The following SRPX variants were observed in gnomAD, a reference collection of about 807,000 sequenced individuals.
SRPX encodes sushi repeat-containing protein SRPX.
A neutral mutation model predicts 38.1 loss-of-function variants in SRPX; 24 were observed. The ratio of observed to expected loss-of-function variants is 0.63; its 90% confidence interval spans 0.46 to 0.89. SRPX has a LOEUF of 0.89. Ranked by LOEUF, SRPX falls within the 40% of genes least tolerant of loss-of-function variation. The pLI is 0.00. For missense variants in SRPX, 416 were observed against 377.8 expected, an observed-to-expected ratio of 1.10 and a Z score of -0.84; for synonymous variants, 184 against 153.8, an observed-to-expected ratio of 1.20 and a Z score of -1.45.
chrX:38,213,940 A>G (rs967880396), intron 1 of SRPX, among the ~76,000 whole-genome samples: 2 of 111,684 alleles, frequency 1.8e-5, no homozygotes, highest in African/African-American at 6.5e-5. Flanking sequence ...GCCCCCCATG[A>G]TCCAATCACC....
chrX:38,214,379 C>T (rs1379070537), intron 1 of SRPX, among the ~76,000 whole-genome samples: 8 of 110,930 alleles, frequency 7.2e-5, no homozygotes, highest in African/African-American at 2.6e-4. Flanking sequence ...AGATAAAGAC[C>T]AAGACACCCA....
chrX:38,188,628 A>G (rs755061666), intron 1 of SRPX, among the ~76,000 whole-genome samples: 1 of 111,738 alleles, frequency 8.9e-6, no homozygotes, highest in Non-Finnish European at 1.9e-5. Context: ...CTGGGGTATA[A>G]TGGGCAAAAT....
At chrX:38,167,331 T>C (rs745525537) in intron 4 of SRPX, among the ~76,000 whole-genome samples, 2 of 111,535 alleles carry the variant, frequency 1.8e-5, no homozygotes, top group Non-Finnish European at 3.8e-5. Flanking sequence ...TGTTTTGTGA[T>C]GGTCTGTCAT....
chrX:38,172,326 G>A (rs1938489349), intron 3 of SRPX, among the ~76,000 whole-genome samples: 1 of 112,491 alleles, frequency 8.9e-6, no homozygotes, highest in Non-Finnish European at 1.9e-5. Flanking sequence ...GGTGGCGCAT[G>A]CCTGTAATCC....
chrX:38,199,485 C>G (rs528555675), intron 1 of SRPX, among the ~76,000 whole-genome samples: 2 of 111,061 alleles, frequency 1.8e-5, no homozygotes, highest in East Asian at 5.6e-4. Context: ...AGCACAGGGT[C>G]TTTCTAGAAG....
At chrX:38,175,687 T>C (rs1240049226) in intron 2 of SRPX, among the ~76,000 whole-genome samples, 5 of 111,368 alleles carry the variant, frequency 4.5e-5, no homozygotes, top group African/African-American at 1.6e-4. Context: ...CTGGTCTGGC[T>C]AATACTTTCG....
chrX:38,189,747 C>T (rs768026681), intron 1 of SRPX, among the ~76,000 whole-genome samples: 9 of 111,857 alleles, frequency 8.0e-5, no homozygotes, highest in Non-Finnish European at 1.3e-4. Context: ...TAAATCAGCA[C>T]TGATTTTATG....
In SRPX at chrX:38,176,957, A is replaced by C. The variant is rs754143026; in HGVS notation, c.157+1328T>G. Reference sequence around the variant, plus strand: ...AAATTTATTCTTAAACATTCAGGGTAAGTTCTAGGGCAAGCACACATTTTG... The same window carrying C: ...AAATTTATTCTTAAACATTCAGGGTCAGTTCTAGGGCAAGCACACATTTTG... On this transcript the variant is annotated intron_variant, in intron 2 of 9. Transcript: ENST00000378533. 2.7e-5 allele frequency among the ~76,000 whole-genome samples: 3 copies of C among 111,468 alleles called. No homozygotes were observed. The East Asian group carries it at 8.4e-4, about 31-fold the overall frequency.
At chrX:38,201,724 C>T (rs1393533921) in intron 1 of SRPX, among the ~76,000 whole-genome samples, 1 of 108,765 alleles carries the variant, frequency 9.2e-6, no homozygotes, top group East Asian at 2.9e-4. Flanking sequence ...GAGGCTGAGG[C>T]AGGAGAATGG....
chrX:38,189,855 C>T (rs1938863590), intron 1 of SRPX, among the ~76,000 whole-genome samples: 1 of 111,878 alleles, frequency 8.9e-6, no homozygotes, highest in South Asian at 3.7e-4. Context: ...CCCTTACTGC[C>T]CCTGTGAAAC....
intron 4 of SRPX, among the ~76,000 whole-genome samples, chrX:38,171,160 T>C (rs1055135318): frequency 1.8e-5 from 2 of 111,673 alleles, no homozygotes; most frequent in Admixed American, 9.5e-5. Context: ...TGAATTTAAA[T>C]CTGCATTTTT....
chrX:38,179,286 C>T (rs760182768), intron 1 of SRPX, among the ~76,000 whole-genome samples: 5 of 112,236 alleles, frequency 4.5e-5, no homozygotes, highest in African/African-American at 1.3e-4. Flanking sequence ...ATAAAAACCA[C>T]GGCCTCAGAG....
intron 5 of SRPX, among the ~76,000 whole-genome samples, chrX:38,161,491 G>A (rs1454365750): frequency 9.2e-6 from 1 of 108,786 alleles, no homozygotes; most frequent in Non-Finnish European, 1.9e-5. Flanking sequence ...TGGGCCTGCG[G>A]GGCGGGGGTG....
chrX:38,160,037 C>A lies in SRPX; in HGVS notation c.935G>T (p.Gly312Val). 8.3e-7 allele frequency: 1 copy of A among 1,210,437 alleles called. No individual in the cohort carries two copies. The highest frequency in any genetic ancestry group is 1.7e-5 in the African/African-American group (1 of 57,861). Residue 312 changes from glycine to valine, a missense_variant, in exon 7 of 10, where the codon GGC (glycine) becomes GTC (valine). By Grantham distance (109) the Gly-to-Val change is moderately radical. Transcript: ENST00000378533. Reference sequence around the variant, plus strand: ...CCTACCTGCACAGGTGGGCTCCGTGCCAGACCAAGCCAGGTTGGATTGACA... The same window carrying A: ...CCTACCTGCACAGGTGGGCTCCGTGACAGACCAAGCCAGGTTGGATTGACA... ...RVCQSNLAWSGTEPTCAAMNV... is the reference protein window; with the variant it reads ...RVCQSNLAWSVTEPTCAAMNV...
In SRPX at chrX:38,218,388, T is replaced by A. The variant is rs1020028540; in HGVS notation, c.97+2308A>T. 2.7e-5 allele frequency among the ~76,000 whole-genome samples: 3 copies of A among 112,523 alleles called. No individual in the cohort carries two copies. In the Admixed American group the frequency reaches 2.8e-4, roughly 11 times the overall value. ...CAAACACAAACAACTTTTCTACAAATTTTCCATACACTTCATGTAGGTTTT... is the reference window on the plus strand; with the variant it reads ...CAAACACAAACAACTTTTCTACAAAATTTCCATACACTTCATGTAGGTTTT... On this transcript the variant is annotated intron_variant, in intron 1 of 9. Transcript: ENST00000378533.
At chrX:38,178,732 C>A (rs774223792) in intron 1 of SRPX, among the ~76,000 whole-genome samples, 1 of 111,177 alleles carries the variant, frequency 9.0e-6, no homozygotes, top group East Asian at 2.8e-4. Context: ...TCAAAGAAAA[C>A]CCAGTAGAAC....
intron 1 of SRPX, among the ~76,000 whole-genome samples, chrX:38,213,435 A>AATGGTATAGAGCTCAAAGCAAATGCTTCC (rs1939371012): frequency 1.8e-5 from 2 of 111,800 alleles, no homozygotes; most frequent in Non-Finnish European, 3.8e-5. Flanking sequence ...ATAGAGAGGA[A>AATGGTATAGAGCTCAAAGCAAATGCTTCC]GCATTTGGGA....
At chrX:38,165,777 A>G (rs1039905636) in intron 4 of SRPX, among the ~76,000 whole-genome samples, 4 of 112,018 alleles carry the variant, frequency 3.6e-5, no homozygotes, top group African/African-American at 1.3e-4. Flanking sequence ...TTGAACTGCT[A>G]CTGAACTACA....
chrX:38,160,309 C>A, intron 6 of SRPX, 113 bp from the exon 7 acceptor site: 1 of 748,122 alleles, frequency 1.3e-6, no homozygotes. Context: ...CTACATCAGC[C>A]TGTGAAATGA....
Sources: allele counts gnomAD v4.1 joint callset (sites outside exome capture counted in the v4.1 genomes callset), GRCh38; gene constraint gnomAD v4.1.1; transcripts MANE v1.5; gene names NCBI Gene and HGNC (gene_info 2026-07-23, HGNC 2026-07-21).